The following GRID2 variants were observed in gnomAD, a reference collection of about 807,000 sequenced individuals.
The protein encoded by GRID2 is glutamate receptor ionotropic, delta-2.
GRID2 carries 33 observed loss-of-function variants against 114.8 expected under a neutral mutation model. The ratio of observed to expected loss-of-function variants is 0.29; its 90% CI spans 0.22 to 0.38. The LOEUF (loss-of-function observed/expected upper bound fraction) is 0.38, where lower values mean the gene tolerates loss of function less well. GRID2 is among the 10% of genes least tolerant of loss of function. The pLI is 1.00. For synonymous variants in GRID2, 505 were observed against 449.9 expected (o/e 1.12, Z -1.55); for missense variants, 1,184 against 1,257.7 (o/e 0.94, Z 0.89).
intron 2 of GRID2, among the ~76,000 whole-genome samples, chr4:92,845,689 G>C (rs1449600098): frequency 6.6e-6 from 1 of 152,014 alleles, no homozygotes; most frequent in African/African-American, 2.4e-5. Flanking sequence ...AAGCAATTTT[G>C]TTGTTGTTGC....
intron 2 of GRID2, among the ~76,000 whole-genome samples, chr4:92,830,782 A>G (rs1358228478): frequency 2.6e-5 from 4 of 152,196 alleles, no homozygotes; most frequent in Non-Finnish European, 5.9e-5. Context: ...AAAAATACTT[A>G]TTCTACCTAG....
At chr4:92,436,507 C>CT (rs779300832) in intron 1 of GRID2, among the ~76,000 whole-genome samples, 13 of 151,822 alleles carry the variant, frequency 8.6e-5, no homozygotes, top group Admixed American at 4.6e-4. Context: ...ATTTTCTCAG[C>CT]TTTTTTTTGG....
At chr4:92,772,266 T>C (rs140794905) in intron 2 of GRID2, among the ~76,000 whole-genome samples, 41 of 152,288 alleles carry the variant, frequency 2.7e-4, no homozygotes, top group Admixed American at 9.2e-4. Context: ...GAAATGGATA[T>C]TGGAGCCAGA....
At chr4:93,330,722 C>G (rs952163756) in intron 8 of GRID2, among the ~76,000 whole-genome samples, 5 of 152,086 alleles carry the variant, frequency 3.3e-5, no homozygotes, top group African/African-American at 4.8e-5. Context: ...CACACAATTC[C>G]ATGCAAACCT....
chr4:93,176,233 A>C (rs2149429167), intron 4 of GRID2, among the ~76,000 whole-genome samples: 1 of 152,340 alleles, frequency 6.6e-6, no homozygotes, highest in South Asian at 2.1e-4. Context: ...AATATATTCC[A>C]AATAAGCTAT....
chr4:93,018,474 G>C (rs1722979534), intron 2 of GRID2, among the ~76,000 whole-genome samples: 1 of 152,088 alleles, frequency 6.6e-6, no homozygotes, highest in Admixed American at 6.6e-5. Context: ...TATTTATTTT[G>C]AGTCGTTATT....
intron 1 of GRID2, among the ~76,000 whole-genome samples, chr4:92,315,787 A>G (rs984963562): frequency 1.3e-5 from 2 of 151,954 alleles, no homozygotes; most frequent in Non-Finnish European, 2.9e-5. Context: ...CCTGACCAAC[A>G]TGGTGAAACC....
chr4:93,563,865 G>T (rs1466010790), intron 13 of GRID2, among the ~76,000 whole-genome samples: 20 of 151,832 alleles, frequency 1.3e-4, no homozygotes, highest in Admixed American at 1.3e-3. Context: ...ATTTATTGTA[G>T]TGTTTCTTAT....
chr4:93,315,788 G>T (rs927860059), intron 8 of GRID2, among the ~76,000 whole-genome samples: 2 of 152,116 alleles, frequency 1.3e-5, no homozygotes, highest in African/African-American at 2.4e-5. Context: ...GTGTTAAAAA[G>T]AATTGATTTA....
At chr4:93,203,228 C>A (rs1287676055) in intron 4 of GRID2, among the ~76,000 whole-genome samples, 1 of 152,092 alleles carries the variant, frequency 6.6e-6, no homozygotes, top group Admixed American at 6.6e-5. Flanking sequence ...AGATGTTAAC[C>A]TAGACCTAGG....
At chr4:93,002,375 A>G (rs1721081942) in intron 2 of GRID2, among the ~76,000 whole-genome samples, 1 of 151,756 alleles carries the variant, frequency 6.6e-6, no homozygotes, top group African/African-American at 2.4e-5. Flanking sequence ...CCAAATTAAT[A>G]ATGTAGAGAC....
intron 2 of GRID2, among the ~76,000 whole-genome samples, chr4:92,733,110 T>G (rs1191733619): frequency 1.3e-5 from 2 of 152,020 alleles, no homozygotes; most frequent in Admixed American, 1.3e-4. Flanking sequence ...CTCTCCAGTG[T>G]GTTTATTTTA....
At chr4:93,690,588 A>G (rs1465374784) in intron 14 of GRID2, among the ~76,000 whole-genome samples, 7 of 151,928 alleles carry the variant, frequency 4.6e-5, no homozygotes, top group African/African-American at 1.4e-4. Flanking sequence ...CTTGAGGAAA[A>G]TAGTAAACAA....
At chr4:93,625,716 C>G (rs933567390) in intron 13 of GRID2, among the ~76,000 whole-genome samples, 1 of 152,104 alleles carries the variant, frequency 6.6e-6, no homozygotes, top group Non-Finnish European at 1.5e-5. Flanking sequence ...GAGATTGAGA[C>G]CATCCTGGCT....
At chr4:93,195,361 A>G (rs533825023) in intron 4 of GRID2, among the ~76,000 whole-genome samples, 6 of 152,304 alleles carry the variant, frequency 3.9e-5, no homozygotes, top group African/African-American at 1.4e-4. Context: ...ATAGGTCTCA[A>G]TCCTGTGGAG....
chr4:93,573,588 T>C (rs1292515077), intron 13 of GRID2, among the ~76,000 whole-genome samples: 1 of 152,178 alleles, frequency 6.6e-6, no homozygotes, highest in Non-Finnish European at 1.5e-5. Context: ...CAGATCCTCC[T>C]TAGTAAAGCA....
chr4:92,784,480 A>G (rs2149360463), intron 2 of GRID2, among the ~76,000 whole-genome samples: 1 of 151,934 alleles, frequency 6.6e-6, no homozygotes, highest in African/African-American at 2.4e-5. Context: ...TCATCCAGTC[A>G]GGCAAGTGAA....
At chr4:92,504,468 G>A (rs946610685) in intron 1 of GRID2, among the ~76,000 whole-genome samples, 1 of 152,030 alleles carries the variant, frequency 6.6e-6, no homozygotes, top group Admixed American at 6.6e-5. Context: ...AATATGTTGA[G>A]ATTGACTCCA....
intron 2 of GRID2, among the ~76,000 whole-genome samples, chr4:92,923,255 T>G (rs1485285254): frequency 6.6e-6 from 1 of 152,188 alleles, no homozygotes; most frequent in Non-Finnish European, 1.5e-5. Flanking sequence ...TTGTAAGTTT[T>G]TTATCATTTT....
Sources: gnomAD v4.1 joint callset for allele counts (sites outside exome capture counted in the v4.1 genomes callset) on GRCh38, gnomAD v4.1.1 for gene constraint, MANE v1.5 for transcripts, NCBI Gene and HGNC (gene_info 2026-07-23, HGNC 2026-07-21) for gene names.